The following ALG14 variants were observed in gnomAD, a reference collection of about 807,000 sequenced individuals.
The protein encoded by ALG14 is UDP-N-acetylglucosamine transferase subunit ALG14.
A neutral mutation model predicts 22.8 loss-of-function variants in ALG14; 17 were observed. The observed-to-expected ratio is 0.75, with a 90% CI of 0.51 to 1.12. The LOEUF is 1.12. Among genes scored for constraint, ALG14 ranks in the 50% most tolerant of loss-of-function variants. ALG14 has a pLI of 0.00. For synonymous variants in ALG14, 89 were observed against 103.7 expected (o/e 0.86, Z 0.86); for missense variants, 288 against 271.8 (o/e 1.06, Z -0.42).
Position 94,990,753 on chromosome 1 carries a change from T to C in ALG14, c.421-7447A>G, listed in dbSNP as rs12030774. Among the ~76,000 whole-genome samples the C allele has an allele frequency of 3.9e-3, 588 of 152,372 alleles. 25 individuals carry two copies. In the East Asian group the frequency reaches 0.11, roughly 27 times the overall value. On this transcript the variant is annotated intron_variant, in intron 3 of 3. Coordinates refer to ENST00000370205, the MANE Select transcript of ALG14 (RefSeq NM_144988.4). ...TTCATTTAGGCTAATGCACTAATGT[T>C]TTAAGGATACTGAATTTATTGGCTC...
chr1:95,020,223 A>G (rs1673623891), intron 3 of ALG14, among the ~76,000 whole-genome samples: 1 of 151,940 alleles, frequency 6.6e-6, no homozygotes, highest in African/African-American at 2.4e-5. Context: ...TCTCAAAAAA[A>G]AAAGATAAAA....
chr1:95,032,600 T>C (rs1557963830), intron 2 of ALG14, among the ~76,000 whole-genome samples: 1 of 152,158 alleles, frequency 6.6e-6, no homozygotes. Flanking sequence ...CTTTGAGGTA[T>C]GCACACAAAG....
At chr1:95,059,266 G>A (rs553473190) in intron 2 of ALG14, among the ~76,000 whole-genome samples, 4 of 151,384 alleles carry the variant, frequency 2.6e-5, no homozygotes, top group African/African-American at 4.8e-5. Context: ...GCGTGGTGGC[G>A]GGCACCTGTA....
chr1:95,072,941 C>T lies in ALG14; in HGVS notation c.-43G>A, dbSNP rs1675626218. On this transcript the variant is annotated 5_prime_UTR_variant, in exon 1 of 4. Coordinates refer to ENST00000370205, the MANE Select transcript of ALG14 (RefSeq NM_144988.4). ...GCGTCCAACTTCCGGGGACCAGCCGCTGTCAAAGTTCACAACTACGGGTGC... is the reference window on the plus strand; with the variant it reads ...GCGTCCAACTTCCGGGGACCAGCCGTTGTCAAAGTTCACAACTACGGGTGC... 3 of 1,611,144 alleles carry T rather than the reference C, an allele frequency of 1.9e-6. No individual in the cohort carries two copies. The highest frequency in any genetic ancestry group is 1.1e-5 in the South Asian group (1 of 90,988).
At chr1:95,047,218 A>G (rs1462332728) in intron 2 of ALG14, among the ~76,000 whole-genome samples, 2 of 152,224 alleles carry the variant, frequency 1.3e-5, no homozygotes, top group African/African-American at 4.8e-5. Flanking sequence ...ATACTTTGTT[A>G]TATGTATACA....
At position 95,033,486 on chromosome 1, in the gene ALG14, A is replaced by AAT. The variant is rs1302705369; in HGVS notation, c.289-6228_289-6227dup. Among the ~76,000 whole-genome samples the AAT allele has an allele frequency of 1.3e-3, 191 of 149,342 alleles. 1 individual carries two copies. The highest frequency in any genetic ancestry group is 3.8e-3 in the African/African-American group (155 of 40,702). On this transcript the variant is annotated intron_variant, in intron 2 of 3. Transcript: ENST00000370205. ...ACACACACACATATATATATACACA[A>AAT]ATATATATATATATTTGTATTCCTC... is the stretch of plus-strand genomic sequence containing the variant.
intron 2 of ALG14, among the ~76,000 whole-genome samples, chr1:95,034,772 T>C (rs367938931): frequency 6.6e-6 from 1 of 152,200 alleles, no homozygotes; most frequent in African/African-American, 2.4e-5. Flanking sequence ...CTGCTACTCT[T>C]ATGTATAGCC....
At chr1:95,046,632 T>A (rs1280926974) in intron 2 of ALG14, among the ~76,000 whole-genome samples, 2 of 152,248 alleles carry the variant, frequency 1.3e-5, no homozygotes, top group African/African-American at 4.8e-5. Flanking sequence ...TGGGCTTCTT[T>A]ATTTCCCATA....
At chr1:95,034,597 A>G (rs1245722447) in intron 2 of ALG14, among the ~76,000 whole-genome samples, 2 of 152,138 alleles carry the variant, frequency 1.3e-5, no homozygotes, top group East Asian at 1.9e-4. Flanking sequence ...GGACTTCCCT[A>G]AAGTGACAGC....
chr1:95,055,620 G>C (rs1237835143), intron 2 of ALG14, among the ~76,000 whole-genome samples: 1 of 151,886 alleles, frequency 6.6e-6, no homozygotes, highest in Non-Finnish European at 1.5e-5. Flanking sequence ...TCAATTTAAT[G>C]CAAATAAAGA....
intron 3 of ALG14, among the ~76,000 whole-genome samples, chr1:95,008,011 T>C (rs1673263826): frequency 6.6e-6 from 1 of 152,170 alleles, no homozygotes; most frequent in South Asian, 2.1e-4. Context: ...CAAACCTTAG[T>C]GGAATTAACT....
chr1:95,014,712 T>G (rs1009003723), intron 3 of ALG14, among the ~76,000 whole-genome samples: 1 of 152,222 alleles, frequency 6.6e-6, no homozygotes, highest in Non-Finnish European at 1.5e-5. Flanking sequence ...ATAAATAATT[T>G]TTATTTGTAA....
At position 94,974,980 on chromosome 1, in the gene ALG14, T is replaced by C. The variant is rs1199734359; in HGVS notation, c.*8096A>G. ...CTCCAGTGAGATGACTCAAAGTCTA[T>C]ACTAAGATGTGACTGTCAATTGGAA... On this transcript the variant is annotated 3_prime_UTR_variant, in exon 4 of 4. Coordinates refer to ENST00000370205, the MANE Select transcript of ALG14 (RefSeq NM_144988.4). The C allele has an allele frequency of 2.6e-5, 4 of 152,236 alleles. No homozygotes were observed. The highest frequency in any genetic ancestry group is 9.6e-5 in the African/African-American group (4 of 41,462). 9.4% of individuals were successfully genotyped at this position (152,236 alleles called of 1,614,324 possible).
At chr1:95,018,915 A>C (rs1054562550) in intron 3 of ALG14, among the ~76,000 whole-genome samples, 1 of 152,246 alleles carries the variant, frequency 6.6e-6, no homozygotes, top group African/African-American at 2.4e-5. Context: ...TGTACTGTGT[A>C]AGTAAATCTT....
chr1:95,052,532 TTAAC>T (rs1411353847), intron 2 of ALG14, among the ~76,000 whole-genome samples: 15 of 152,330 alleles, frequency 9.8e-5, no homozygotes, highest in Non-Finnish European at 1.9e-4. Flanking sequence ...ATTTTTTCCT[TTAAC>T]TAGTTACTCA....
chr1:95,045,011 G>C (rs1444233277), intron 2 of ALG14, among the ~76,000 whole-genome samples: 1 of 151,996 alleles, frequency 6.6e-6, no homozygotes. Context: ...GTCTCAATAA[G>C]ATTTCACTAT....
chr1:94,991,058 T>C (rs891423989), intron 3 of ALG14, among the ~76,000 whole-genome samples: 4 of 152,262 alleles, frequency 2.6e-5, no homozygotes, highest in African/African-American at 9.6e-5. Context: ...TTAACAGCAA[T>C]GTGACCTGGG....
At chr1:95,017,240 C>T (rs574020506) in intron 3 of ALG14, among the ~76,000 whole-genome samples, 1 of 152,210 alleles carries the variant, frequency 6.6e-6, no homozygotes, top group Admixed American at 6.5e-5. Flanking sequence ...TAAAGTCCAT[C>T]AGTAATCCCT....
In ALG14 at chr1:94,981,592, T is replaced by C. The variant is rs762331998; in HGVS notation, c.*1484A>G. 3.3e-5 allele frequency: 5 copies of C among 151,376 alleles called. No homozygotes were observed. The highest frequency in any genetic ancestry group is 7.4e-5 in the Non-Finnish European group (5 of 67,846). 9.4% of individuals were successfully genotyped at this position (151,376 alleles called of 1,614,324 possible). A position where few individuals can be genotyped will look rare whatever the true frequency, so the allele number is the denominator to read the frequency against. On this transcript the variant is annotated 3_prime_UTR_variant, in exon 4 of 4. Coordinates refer to ENST00000370205, the MANE Select transcript of ALG14 (RefSeq NM_144988.4). ...CACTAATCACTATTTATTAGATTTA[T>C]ATCATACTTATAAAGCAAAAGATTT...
Sources: gnomAD v4.1 joint callset for allele counts (sites outside exome capture counted in the v4.1 genomes callset) on GRCh38, gnomAD v4.1.1 for gene constraint, MANE v1.5 for transcripts, NCBI Gene and HGNC (gene_info 2026-07-23, HGNC 2026-07-21) for gene names.